Variants in STXBP5 observed in about 807,000 individuals in gnomAD.
STXBP5 encodes syntaxin binding protein 5.
A neutral mutation model predicts 152.4 loss-of-function variants in STXBP5; 50 were observed. The ratio of observed to expected loss-of-function variants is 0.33; its 90% CI spans 0.26 to 0.42. The LOEUF (loss-of-function observed/expected upper bound fraction) is 0.42. Among genes scored for constraint, STXBP5 ranks in the 10% least tolerant of loss-of-function variants. The pLI is 1.00. For synonymous variants in STXBP5, 492 were observed against 494.7 expected (o/e 0.99, Z 0.07); for missense variants, 1,167 against 1,388.6 (o/e 0.84, Z 2.54).
intron 9 of STXBP5, among the ~76,000 whole-genome samples, chr6:147,308,282 T>C (rs1496030): frequency 0.68 from 103,039 of 152,138 alleles, 36,265 homozygotes; most frequent in African/African-American, 0.88. Flanking sequence ...TCATAATAAT[T>C]GCAGTATGCT....
At chr6:147,371,767 C>A (rs549452518) in intron 25 of STXBP5, among the ~76,000 whole-genome samples, 73 of 152,170 alleles carry the variant, frequency 4.8e-4, no homozygotes, top group Middle Eastern at 3.4e-3. Flanking sequence ...ATAAGAAATG[C>A]AAACTGTAAT....
At chr6:147,323,330 C>T (rs551515175) in intron 16 of STXBP5, among the ~76,000 whole-genome samples, 6 of 152,246 alleles carry the variant, frequency 3.9e-5, no homozygotes, top group African/African-American at 9.6e-5. Context: ...CTTCGTCTTA[C>T]CTATGTTCAC....
chr6:147,313,826 T>C (rs1223452687), intron 11 of STXBP5, 58 bp from the exon 12 acceptor site: 1 of 1,139,042 alleles, frequency 8.8e-7, no homozygotes, highest in Admixed American at 2.5e-5. Context: ...ATTTTTGTAT[T>C]AATCATATGG....
At chr6:147,334,628 ATTTT>A (rs577964618) in intron 19 of STXBP5, among the ~76,000 whole-genome samples, 222 of 152,224 alleles carry the variant, frequency 1.5e-3, no homozygotes, top group African/African-American at 5.0e-3. Context: ...AGTTGTATGT[ATTTT>A]TATTTATGAT....
At chr6:147,245,780 A>G (rs1362355950) in intron 4 of STXBP5, among the ~76,000 whole-genome samples, 1 of 152,196 alleles carries the variant, frequency 6.6e-6, no homozygotes, top group Non-Finnish European at 1.5e-5. Context: ...AGACAATACC[A>G]TGTGATGAAG....
At chr6:147,259,786 T>G (rs2115333653) in intron 4 of STXBP5, among the ~76,000 whole-genome samples, 1 of 152,260 alleles carries the variant, frequency 6.6e-6, no homozygotes, top group African/African-American at 2.4e-5. Context: ...GATACCTTTT[T>G]TTTTTAACTA....
chr6:147,338,737 T>TAGTTTTAAACTATATATAC, intron 19 of STXBP5, among the ~76,000 whole-genome samples: 1 of 151,976 alleles, frequency 6.6e-6, no homozygotes, highest in East Asian at 1.9e-4. Flanking sequence ...AATGAATATA[T>TAGTTTTAAACTATATATAC]AGTTTTAAAC....
chr6:147,207,575 A>G (rs921810913), intron 2 of STXBP5, among the ~76,000 whole-genome samples: 1 of 152,108 alleles, frequency 6.6e-6, no homozygotes, highest in Non-Finnish European at 1.5e-5. Context: ...GAATGAAGTT[A>G]TTTTGTCAGT....
chr6:147,310,529 G>A (rs1011815505), intron 10 of STXBP5, among the ~76,000 whole-genome samples: 2 of 150,112 alleles, frequency 1.3e-5, no homozygotes, highest in African/African-American at 4.9e-5. Context: ...AGGAGAGAAA[G>A]TGATTGATTG....
chr6:147,377,944 G>A (rs902912089), intron 26 of STXBP5, among the ~76,000 whole-genome samples: 1 of 152,056 alleles, frequency 6.6e-6, no homozygotes, highest in Admixed American at 6.6e-5. Context: ...GAATAACACT[G>A]AAGTTAAAAA....
chr6:147,313,960 T>G lies in STXBP5; in HGVS notation c.1222T>G (p.Cys408Gly). ...PVTCCEYFADCPVDLIPALYS... is the reference protein window; with the variant it reads ...PVTCCEYFADGPVDLIPALYS... Reference sequence around the variant, plus strand: ...TACATGTTGCGAATATTTTGCGGATTGTCCTGTGGACCTTATTCCTGCACT... The same window carrying G: ...TACATGTTGCGAATATTTTGCGGATGGTCCTGTGGACCTTATTCCTGCACT... Residue 408 changes from cysteine to glycine, a missense_variant, in exon 12 of 28, where the codon TGT becomes GGT. Cys to Gly is a radical substitution (Grantham distance 159). Coordinates refer to ENST00000321680, the MANE Select transcript of STXBP5 (RefSeq NM_001127715.4). The G allele has an allele frequency of 1.2e-6, 2 of 1,604,796 alleles. No homozygotes were observed. The highest frequency in any genetic ancestry group is 1.7e-6 in the Non-Finnish European group (2 of 1,173,810).
intron 4 of STXBP5, among the ~76,000 whole-genome samples, chr6:147,256,001 A>T (rs546137391): frequency 6.6e-6 from 1 of 152,342 alleles, no homozygotes; most frequent in African/African-American, 2.4e-5. Context: ...ACCACTGCAG[A>T]TATTTTACAC....
chr6:147,372,515 A>G (rs1371600446), intron 25 of STXBP5, among the ~76,000 whole-genome samples: 1 of 133,698 alleles, frequency 7.5e-6, no homozygotes, highest in East Asian at 2.2e-4. Flanking sequence ...GCCCACTGCA[A>G]CTTCCGCCTC....
At chr6:147,364,691 G>C (rs528818766) in intron 25 of STXBP5, among the ~76,000 whole-genome samples, 3 of 152,220 alleles carry the variant, frequency 2.0e-5, no homozygotes, top group South Asian at 2.1e-4. Context: ...TTAAGTATTT[G>C]AGTGCTGTAT....
intron 2 of STXBP5, among the ~76,000 whole-genome samples, chr6:147,214,599 C>T (rs1002460340): frequency 6.6e-6 from 1 of 152,204 alleles, no homozygotes; most frequent in African/African-American, 2.4e-5. Context: ...TCCATCCCAA[C>T]TTCCATCCTA....
intron 18 of STXBP5, among the ~76,000 whole-genome samples, chr6:147,330,750 G>A (rs537820552): frequency 2.0e-5 from 3 of 152,148 alleles, no homozygotes; most frequent in South Asian, 2.1e-4. Flanking sequence ...ATAATTTTAC[G>A]GTACTTTTGT....
intron 13 of STXBP5, 90 bp from the exon 14 acceptor site, chr6:147,314,505 CT>C: frequency 7.1e-7 from 1 of 1,410,776 alleles, no homozygotes; most frequent in Non-Finnish European, 9.8e-7. Context: ...TACCTTTTTA[CT>C]CATTTTGTTG....
chr6:147,319,247 A>G (rs1368944647), intron 16 of STXBP5, among the ~76,000 whole-genome samples: 3 of 152,146 alleles, frequency 2.0e-5, no homozygotes, highest in Non-Finnish European at 2.9e-5. Context: ...ACATTACTAT[A>G]TAATGTAAAT....
chr6:147,328,112 A>G (rs1022106065), intron 18 of STXBP5, among the ~76,000 whole-genome samples: 2 of 152,198 alleles, frequency 1.3e-5, no homozygotes, highest in African/African-American at 4.8e-5. Flanking sequence ...TAAATGTTCT[A>G]CTGTAATACC....
Sources: gnomAD v4.1 joint callset for allele counts (sites outside exome capture counted in the v4.1 genomes callset) on GRCh38, gnomAD v4.1.1 for gene constraint, MANE v1.5 for transcripts, NCBI Gene and HGNC (gene_info 2026-07-23, HGNC 2026-07-21) for gene names.